PRDM6: variants seen among roughly 807,000 people sequenced by gnomAD.
PRDM6 encodes PR/SET domain 6, also known as putative histone-lysine N-methyltransferase PRDM6.
A neutral mutation model predicts 60.8 loss-of-function variants in PRDM6; 25 were observed. The observed-to-expected ratio is 0.41, with a 90% CI of 0.30 to 0.57. The LOEUF (loss-of-function observed/expected upper bound fraction) is 0.57. Ranked by LOEUF, PRDM6 falls within the 20% of genes least tolerant of loss-of-function variation. The pLI is 0.27. For missense variants in PRDM6, 839 were observed against 821.3 expected (o/e 1.02, Z -0.26); for synonymous variants, 407 against 357.4 (o/e 1.14, Z -1.57).
chr5:123,160,945 G>A (rs1765615721), intron 5 of PRDM6, among the ~76,000 whole-genome samples: 3 of 152,118 alleles, frequency 2.0e-5, no homozygotes, highest in Non-Finnish European at 4.4e-5. Context: ...ACTGTGCTCT[G>A]CCTCAAACAG....
intron 2 of PRDM6, among the ~76,000 whole-genome samples, chr5:123,092,841 A>G (rs534649213): frequency 3.9e-5 from 6 of 152,344 alleles, no homozygotes; most frequent in South Asian, 2.1e-4. Context: ...TCTCTGGACA[A>G]GCAAGCTTAG....
At chr5:123,168,824 A>G (rs950128572) in intron 5 of PRDM6, among the ~76,000 whole-genome samples, 1 of 152,242 alleles carries the variant, frequency 6.6e-6, no homozygotes, top group African/African-American at 2.4e-5. Context: ...AACACATGTG[A>G]TGCTGCAGAA....
intron 3 of PRDM6, among the ~76,000 whole-genome samples, chr5:123,154,029 G>T (rs1304301725): frequency 6.6e-6 from 1 of 152,080 alleles, no homozygotes; most frequent in African/African-American, 2.4e-5. Context: ...GAACCAAATG[G>T]CTTTGGTCAA....
rs796385118 is a variant in PRDM6, at chr5:123,142,887, A to C, written c.901-12997A>C. Among the ~76,000 whole-genome samples, 29 of 148,490 alleles carry C rather than the reference A, an allele frequency of 2.0e-4. No individual in the cohort carries two copies. In the East Asian group the frequency reaches 5.4e-3, roughly 28 times the overall value. On this transcript the variant is annotated intron_variant, in intron 3 of 7. Transcript: ENST00000407847. ...AAGCACAGTGAAGACCAAAAAAAAA[A>C]AAAAAAAAAAAAAAACAAACAAACC...
chr5:123,115,599 CAAG>C (rs1764421878), intron 3 of PRDM6, among the ~76,000 whole-genome samples: 1 of 151,996 alleles, frequency 6.6e-6, no homozygotes, highest in South Asian at 2.1e-4. Flanking sequence ...AAGAAAAAAA[CAAG>C]AAAAACAAAT....
At chr5:123,119,874 A>C (rs467221) in intron 3 of PRDM6, among the ~76,000 whole-genome samples, 135,427 of 152,166 alleles carry the variant, frequency 0.89, 60,728 homozygotes, top group East Asian at 0.99. Flanking sequence ...AAAATACATG[A>C]GTGGTTATAC....
intron 3 of PRDM6, among the ~76,000 whole-genome samples, chr5:123,119,850 G>C (rs552184851): frequency 6.6e-6 from 1 of 152,024 alleles, no homozygotes; most frequent in Non-Finnish European, 1.5e-5. Flanking sequence ...CTAAGTAGAC[G>C]CATTTTTTAA....
intron 6 of PRDM6, 44 bp downstream of exon 6, chr5:123,171,152 A>T: frequency 6.9e-7 from 1 of 1,452,620 alleles, no homozygotes; most frequent in Non-Finnish European, 9.2e-7. Flanking sequence ...GCTTAGTGAG[A>T]CCCACTGCTT....
intron 6 of PRDM6, among the ~76,000 whole-genome samples, chr5:123,175,749 G>GA (rs1765992746): frequency 6.6e-6 from 1 of 152,112 alleles, no homozygotes; most frequent in African/African-American, 2.4e-5. Context: ...GGCCATGGAA[G>GA]AAAAAATTAA....
intron 3 of PRDM6, among the ~76,000 whole-genome samples, chr5:123,144,669 C>T (rs1246640511): frequency 6.6e-6 from 1 of 152,142 alleles, no homozygotes; most frequent in African/African-American, 2.4e-5. Flanking sequence ...TGGGTGAAGT[C>T]TTTATCCTGC....
Position 123,158,308 on chromosome 5 carries a change from A to AT in PRDM6, c.1029-1199dup, listed in dbSNP as rs374589383. Among the ~76,000 whole-genome samples the AT allele has an allele frequency of 3.0e-3, 454 of 152,236 alleles. 3 individuals carry two copies. Among genetic ancestry groups the AT allele is most frequent in the African/African-American group, 0.011 (446 of 41,552 alleles). ...GATTTATAGCTCAGCTCCAATTTTGATTTTTTTATGTAGCAGTGGAAAGAA... is the reference window on the plus strand; with the variant it reads ...GATTTATAGCTCAGCTCCAATTTTGATTTTTTTTATGTAGCAGTGGAAAGAA... On this transcript the variant is annotated intron_variant, in intron 4 of 7. Coordinates refer to ENST00000407847, the MANE Select transcript of PRDM6 (RefSeq NM_001136239.4).
intron 6 of PRDM6, among the ~76,000 whole-genome samples, chr5:123,176,117 T>C (rs1244919380): frequency 6.6e-6 from 1 of 152,174 alleles, no homozygotes; most frequent in East Asian, 1.9e-4. Flanking sequence ...TTTAAATTAA[T>C]CCAAATTAAG....
At chr5:123,143,326 CGT>C (rs1243928930) in intron 3 of PRDM6, among the ~76,000 whole-genome samples, 1 of 152,130 alleles carries the variant, frequency 6.6e-6, no homozygotes, top group Non-Finnish European at 1.5e-5. Context: ...ATAGACCCGA[CGT>C]AAGAGATTTC....
In PRDM6 at chr5:123,090,374, G is replaced by C; in HGVS notation, c.360G>C (p.Ala120=). ...CGGTGTCGCAGCTGCCGGTGTTCGC[G>C]CCTCTAGCCGCCGCTGCCGTCGCCG... is the stretch of plus-strand genomic sequence containing the variant. ...ALPVSQLPVF[A]PLAAAAVAAE... The change falls in exon 2 of 8, where the codon GCG becomes GCC. Residue 120 remains alanine, a synonymous_variant. Transcript: ENST00000407847. 6.8e-7 allele frequency: 1 copy of C among 1,467,118 alleles called. No individual in the cohort carries two copies. The highest frequency in any genetic ancestry group is 9.0e-7 in the Non-Finnish European group (1 of 1,115,068). The allele number at this position is 1,467,118 out of a possible 1,614,324, so 90.9% of individuals were successfully genotyped here. A position where few individuals can be genotyped will look rare whatever the true frequency, so the allele number is the denominator to read the frequency against.
intron 3 of PRDM6, among the ~76,000 whole-genome samples, chr5:123,139,008 G>T (rs1490811545): frequency 1.3e-5 from 2 of 152,170 alleles, no homozygotes; most frequent in Non-Finnish European, 2.9e-5. Context: ...GTTCTCATGA[G>T]ATCTAATGGT....
chr5:123,172,822 A>G (rs1295971910), intron 6 of PRDM6, among the ~76,000 whole-genome samples: 2 of 152,250 alleles, frequency 1.3e-5, no homozygotes, highest in Admixed American at 6.5e-5. Flanking sequence ...AATGCCATAT[A>G]AAGCAATGAA....
chr5:123,114,041 G>A (rs1334934863), intron 3 of PRDM6, among the ~76,000 whole-genome samples: 1 of 152,208 alleles, frequency 6.6e-6, no homozygotes, highest in Non-Finnish European at 1.5e-5. Flanking sequence ...CCAGTTGGGA[G>A]CAGTGTGCAA....
At chr5:123,147,044 A>T (rs1327489775) in intron 3 of PRDM6, among the ~76,000 whole-genome samples, 1 of 152,154 alleles carries the variant, frequency 6.6e-6, no homozygotes, top group Non-Finnish European at 1.5e-5. Context: ...TCTCTGCTCA[A>T]ATGAACGCGT....
chr5:123,161,203 A>C (rs1765622982), intron 5 of PRDM6, among the ~76,000 whole-genome samples: 1 of 152,342 alleles, frequency 6.6e-6, no homozygotes, highest in Middle Eastern at 3.4e-3. Flanking sequence ...GGATGTCTAG[A>C]GTAAACAACA....
Sources: allele counts gnomAD v4.1 joint callset (sites outside exome capture counted in the v4.1 genomes callset), GRCh38; gene constraint gnomAD v4.1.1; transcripts MANE v1.5; gene names NCBI Gene and HGNC (gene_info 2026-07-23, HGNC 2026-07-21).